Variants in LRRC7 observed in about 807,000 individuals in gnomAD.
The protein encoded by LRRC7 is leucine-rich repeat-containing protein 7.
A neutral mutation model predicts 175.7 loss-of-function variants in LRRC7; 23 were observed. The ratio of observed to expected loss-of-function variants is 0.13; its 90% CI spans 0.09 to 0.19. The LOEUF is 0.19. Among genes scored for constraint, LRRC7 ranks in the 10% least tolerant of loss-of-function variants. The pLI, the probability that LRRC7 is intolerant of heterozygous loss-of-function variation, is 1.00. For synonymous variants in LRRC7, 685 were observed against 680.9 expected (o/e 1.01, Z -0.09); for missense variants, 1,354 against 1,904.7 (o/e 0.71, Z 5.38).
At chr1:70,080,877 A>G (rs1663156048) in intron 24 of LRRC7, among the ~76,000 whole-genome samples, 1 of 152,344 alleles carries the variant, frequency 6.6e-6, no homozygotes, top group African/African-American at 2.4e-5. Context: ...CCCATTCCAC[A>G]TGGAAAACCC....
intron 2 of LRRC7, among the ~76,000 whole-genome samples, chr1:69,759,886 T>C (rs1179047465): frequency 1.3e-5 from 2 of 152,048 alleles, no homozygotes; most frequent in East Asian, 1.9e-4. Flanking sequence ...AGCATGCTAG[T>C]AGCATTGAAC....
intron 1 of LRRC7, among the ~76,000 whole-genome samples, chr1:69,631,483 G>A (rs1652486356): frequency 6.6e-6 from 1 of 152,028 alleles, no homozygotes; most frequent in South Asian, 2.1e-4. Flanking sequence ...AAGGTGTGAT[G>A]TCATCTTGAT....
At chr1:69,692,519 C>G (rs1662018170) in intron 2 of LRRC7, among the ~76,000 whole-genome samples, 1 of 152,146 alleles carries the variant, frequency 6.6e-6, no homozygotes, top group Admixed American at 6.5e-5. Flanking sequence ...GTGGGTCCTT[C>G]TGAGATTACT....
chr1:69,659,587 C>A (rs1657151319), intron 1 of LRRC7, among the ~76,000 whole-genome samples: 1 of 150,804 alleles, frequency 6.6e-6, no homozygotes, highest in Non-Finnish European at 1.5e-5. Context: ...GCTGCAATGA[C>A]TCCATAGAAT....
chr1:69,706,516 A>G (rs1664057918), intron 2 of LRRC7, among the ~76,000 whole-genome samples: 1 of 152,176 alleles, frequency 6.6e-6, no homozygotes, highest in Non-Finnish European at 1.5e-5. Context: ...ACAATCAACA[A>G]CCTGCAAGTC....
chr1:69,743,432 T>C (rs1402766643), intron 2 of LRRC7, among the ~76,000 whole-genome samples: 1 of 151,982 alleles, frequency 6.6e-6, no homozygotes, highest in Non-Finnish European at 1.5e-5. Context: ...TGCAAAGGCA[T>C]CATGGGTGTG....
intron 7 of LRRC7, among the ~76,000 whole-genome samples, chr1:69,849,064 C>G (rs1394821165): frequency 6.6e-6 from 1 of 152,088 alleles, no homozygotes; most frequent in African/African-American, 2.4e-5. Flanking sequence ...TAGCCTTTTC[C>G]CATAACTTTA....
intron 15 of LRRC7, among the ~76,000 whole-genome samples, chr1:70,019,306 T>A (rs1657240139): frequency 6.6e-6 from 1 of 152,044 alleles, no homozygotes; most frequent in South Asian, 2.1e-4. Flanking sequence ...AAGACCATTC[T>A]TTCTTTTCAA....
chr1:69,899,368 A>G (rs1570563296), intron 7 of LRRC7, among the ~76,000 whole-genome samples: 2 of 152,180 alleles, frequency 1.3e-5, no homozygotes. Context: ...CTTTCTGGAG[A>G]GGAAACTTTG....
intron 3 of LRRC7, among the ~76,000 whole-genome samples, chr1:69,768,601 T>C (rs1671883589): frequency 6.6e-6 from 1 of 152,208 alleles, no homozygotes; most frequent in Non-Finnish European, 1.5e-5. Context: ...CCCTCTGATA[T>C]GCTGTCTATT....
chr1:69,693,378 G>A (rs1255344163), intron 2 of LRRC7, among the ~76,000 whole-genome samples: 1 of 152,176 alleles, frequency 6.6e-6, no homozygotes, highest in Admixed American at 6.5e-5. Context: ...GTATGTGTAT[G>A]TATAGAGAGA....
chr1:69,897,603 G>A (rs547980153), intron 7 of LRRC7, among the ~76,000 whole-genome samples: 7 of 152,228 alleles, frequency 4.6e-5, no homozygotes, highest in South Asian at 2.1e-4. Flanking sequence ...TTTGTTGAAC[G>A]AATGCATGAA....
At chr1:69,685,440 A>G (rs1417438) in intron 2 of LRRC7, among the ~76,000 whole-genome samples, 86,814 of 151,874 alleles carry the variant, frequency 0.57, 25,359 homozygotes, top group African/African-American at 0.67. Context: ...AGACTGAAGC[A>G]TCCATCATAA....
At chr1:69,578,978 A>T (rs1299945924) in intron 1 of LRRC7, among the ~76,000 whole-genome samples, 1 of 152,068 alleles carries the variant, frequency 6.6e-6, no homozygotes, top group African/African-American at 2.4e-5. Flanking sequence ...ATGCATGGAA[A>T]AAAAAGTTGT....
At chr1:69,842,319 C>T (rs960990630) in intron 7 of LRRC7, among the ~76,000 whole-genome samples, 5 of 151,878 alleles carry the variant, frequency 3.3e-5, no homozygotes, top group African/African-American at 4.8e-5. Context: ...TTTCTAATAC[C>T]GTCAAGTTAA....
chr1:69,854,390 C>A (rs1683347660), intron 7 of LRRC7, among the ~76,000 whole-genome samples: 1 of 152,020 alleles, frequency 6.6e-6, no homozygotes, highest in Non-Finnish European at 1.5e-5. Context: ...GTGGTCCTAG[C>A]TACTTGGGAG....
rs537121934 is a variant in LRRC7 at position 70,132,922 on chromosome 1, C to T, written c.*11035C>T. On this transcript the variant is annotated 3_prime_UTR_variant, in exon 27 of 27. Coordinates refer to ENST00000651989, the MANE Select transcript of LRRC7 (RefSeq NM_001370785.2). ...GTCTATCTTCAGGGAAGGATTCATG[C>T]TATTCTTAAATTCCTGGAGCGAAGG... 1.3e-5 allele frequency among the ~76,000 whole-genome samples: 2 copies of T among 152,222 alleles called. No homozygotes were observed. Among genetic ancestry groups the T allele is most frequent in the East Asian group, 3.9e-4 (2 of 5,184 alleles).
intron 4 of LRRC7, among the ~76,000 whole-genome samples, chr1:69,817,768 A>G (rs546123514): frequency 1.3e-5 from 2 of 152,182 alleles, no homozygotes; most frequent in Admixed American, 1.3e-4. Context: ...TGAATACATG[A>G]TATCTTCTCA....
chr1:69,577,058 G>T (rs1475626814), intron 1 of LRRC7, among the ~76,000 whole-genome samples: 1 of 151,184 alleles, frequency 6.6e-6, no homozygotes, highest in Non-Finnish European at 1.5e-5. Flanking sequence ...TCTAAGATTT[G>T]CTTCCTGCAG....
Sources: gnomAD v4.1 joint callset for allele counts (sites outside exome capture counted in the v4.1 genomes callset) on GRCh38, gnomAD v4.1.1 for gene constraint, MANE v1.5 for transcripts, NCBI Gene and HGNC (gene_info 2026-07-23, HGNC 2026-07-21) for gene names.